The following DPP10 variants were observed in gnomAD, a reference collection of about 807,000 sequenced individuals.
The protein encoded by DPP10 is dipeptidyl peptidase like 10, also known as inactive dipeptidyl peptidase 10.
DPP10 carries 33 observed loss-of-function variants against 120.9 expected under a neutral mutation model. The observed-to-expected ratio is 0.27, with a 90% CI of 0.21 to 0.37. The LOEUF (loss-of-function observed/expected upper bound fraction) is 0.37. Ranked by LOEUF, DPP10 falls within the 10% of genes least tolerant of loss-of-function variation. The pLI is 1.00. For synonymous variants in DPP10, 337 were observed against 326.1 expected (o/e 1.03, Z -0.36); for missense variants, 816 against 942.8 (o/e 0.87, Z 1.76).
At chr2:114,924,352 C>A (rs952184851) in intron 1 of DPP10, among the ~76,000 whole-genome samples, 2 of 152,014 alleles carry the variant, frequency 1.3e-5, no homozygotes, top group Non-Finnish European at 2.9e-5. Flanking sequence ...CATGGCGAAA[C>A]CCCATCTCTC....
At chr2:114,502,293 TGAGA>T (rs1203487968) in intron 1 of DPP10, among the ~76,000 whole-genome samples, 1 of 151,122 alleles carries the variant, frequency 6.6e-6, no homozygotes. Flanking sequence ...TAAATCCACG[TGAGA>T]GAGAAAGTTT....
intron 1 of DPP10, among the ~76,000 whole-genome samples, chr2:114,533,275 C>A (rs761284183): frequency 6.6e-6 from 1 of 152,178 alleles, no homozygotes; most frequent in Non-Finnish European, 1.5e-5. Flanking sequence ...TAGATTCTCA[C>A]ATCCTTTCTC....
intron 1 of DPP10, among the ~76,000 whole-genome samples, chr2:114,801,446 A>T (rs1684242914): frequency 6.6e-6 from 1 of 151,996 alleles, no homozygotes; most frequent in African/African-American, 2.4e-5. Context: ...GGGAAAACAG[A>T]CTTGGGAATT....
intron 1 of DPP10, among the ~76,000 whole-genome samples, chr2:114,575,651 G>A (rs1689993056): frequency 6.6e-6 from 1 of 152,108 alleles, no homozygotes; most frequent in Non-Finnish European, 1.5e-5. Flanking sequence ...TTCAGTTTAA[G>A]GGGCTAAAAT....
intron 1 of DPP10, among the ~76,000 whole-genome samples, chr2:114,980,681 A>G (rs1700027272): frequency 6.6e-6 from 1 of 151,852 alleles, no homozygotes; most frequent in Admixed American, 6.6e-5. Context: ...TGAACTAGAA[A>G]TCCAAATGGC....
rs181291230 is a variant in DPP10, at chr2:115,555,161, A to G, written c.441+29189A>G. On this transcript the variant is annotated intron_variant, in intron 5 of 25. Coordinates refer to ENST00000410059, the MANE Select transcript of DPP10 (RefSeq NM_020868.6). ...GATGGGGAAATTTATTTCCAATTTA[A>G]GAATCAAGAGCAAAAATTCATCTTC... Among the ~76,000 whole-genome samples, 19 of 152,252 alleles carry G rather than the reference A, an allele frequency of 1.2e-4. No individual in the cohort carries two copies. In the East Asian group the frequency reaches 3.7e-3, roughly 29 times the overall value.
chr2:115,737,155 G>A lies in DPP10; in HGVS notation c.698-2584G>A, dbSNP rs561191893. 4.3e-4 allele frequency among the ~76,000 whole-genome samples: 65 copies of A among 152,256 alleles called. 1 individual carries two copies. In the South Asian group the frequency reaches 0.01, roughly 24 times the overall value. On this transcript the variant is annotated intron_variant, in intron 8 of 25. Coordinates refer to ENST00000410059, the MANE Select transcript of DPP10 (RefSeq NM_020868.6). The stretch of plus-strand genomic sequence containing the variant: ...CAGACCTGCCATAAACCAGGCCCGC[G>A]TTTATTTCTCCCTTGCCAACTTGTG...
intron 1 of DPP10, among the ~76,000 whole-genome samples, chr2:115,102,931 G>T (rs986892363): frequency 6.6e-5 from 10 of 152,084 alleles, no homozygotes; most frequent in Admixed American, 1.3e-4. Context: ...TGAAAACTGT[G>T]GAAAGATGAT....
chr2:115,686,276 A>T (rs1048386735), intron 5 of DPP10, among the ~76,000 whole-genome samples: 4 of 152,066 alleles, frequency 2.6e-5, no homozygotes, highest in African/African-American at 9.7e-5. Context: ...GATGTGCCTT[A>T]TGGAGCAAAC....
chr2:115,545,579 C>T (rs2079449984), intron 5 of DPP10, among the ~76,000 whole-genome samples: 1 of 152,110 alleles, frequency 6.6e-6, no homozygotes, highest in Admixed American at 6.6e-5. Context: ...GTTTGCACAA[C>T]AGTGAGAGAC....
At chr2:114,784,148 T>C (rs550773726) in intron 1 of DPP10, among the ~76,000 whole-genome samples, 13 of 152,088 alleles carry the variant, frequency 8.5e-5, no homozygotes, top group Non-Finnish European at 1.2e-4. Flanking sequence ...AGAAGTCCCA[T>C]TGGGATCAAG....
At chr2:114,663,658 T>TAGAGAGAGAGAGAG (rs1385374204) in intron 1 of DPP10, among the ~76,000 whole-genome samples, 9 of 91,226 alleles carry the variant, frequency 9.9e-5, no homozygotes, top group African/African-American at 4.0e-4. Flanking sequence ...TATATATATA[T>TAGAGAGAGAGAGAG]ATATATATAT....
At chr2:114,606,404 G>A (rs1692808125) in intron 1 of DPP10, among the ~76,000 whole-genome samples, 1 of 152,014 alleles carries the variant, frequency 6.6e-6, no homozygotes, top group Non-Finnish European at 1.5e-5. Flanking sequence ...CTCTCATGCT[G>A]CTTGTATTTC....
intron 19 of DPP10, among the ~76,000 whole-genome samples, chr2:115,804,293 A>T (rs1685641826): frequency 6.6e-6 from 1 of 152,098 alleles, no homozygotes; most frequent in Admixed American, 6.6e-5. Context: ...AGGTCCTTTA[A>T]GGACTTCTCT....
chr2:114,992,478 G>T (rs777154275), intron 1 of DPP10, among the ~76,000 whole-genome samples: 1 of 152,116 alleles, frequency 6.6e-6, no homozygotes, highest in Non-Finnish European at 1.5e-5. Flanking sequence ...ATGCCAGTCT[G>T]GTGTTTAACA....
chr2:115,807,261 A>C lies in DPP10; in HGVS notation c.1701-7532A>C, dbSNP rs547030334. ...GTACATTCCTTCTATTTTATTGAACAATTTCTGGCTAGGAGATGTCCCTGA... is the reference window on the plus strand; with the variant it reads ...GTACATTCCTTCTATTTTATTGAACCATTTCTGGCTAGGAGATGTCCCTGA... On this transcript the variant is annotated intron_variant, in intron 19 of 25. Coordinates refer to ENST00000410059, the MANE Select transcript of DPP10 (RefSeq NM_020868.6). Among the ~76,000 whole-genome samples the C allele has an allele frequency of 8.6e-4, 131 of 152,314 alleles. 2 individuals are homozygous for C. The South Asian group carries it at 0.027, about 31-fold the overall frequency.
chr2:115,384,383 G>A (rs2066690579), intron 3 of DPP10, among the ~76,000 whole-genome samples: 2 of 139,476 alleles, frequency 1.4e-5, no homozygotes, highest in South Asian at 4.6e-4. Flanking sequence ...CAGAAAAGCA[G>A]AAGCAGAAGC....
At chr2:115,800,447 A>C (rs200941415) in intron 19 of DPP10, among the ~76,000 whole-genome samples, 2,575 of 147,032 alleles carry the variant, frequency 0.018, 80 homozygotes, top group African/African-American at 0.059. Flanking sequence ...TAATTAGATC[A>C]CATTTGTCAA....
intron 1 of DPP10, among the ~76,000 whole-genome samples, chr2:114,815,935 C>A (rs1004907793): frequency 6.6e-6 from 1 of 150,788 alleles, no homozygotes; most frequent in African/African-American, 2.4e-5. Flanking sequence ...CATCTAGTTA[C>A]CTATCAGTTG....
Sources: gnomAD v4.1 joint callset for allele counts (sites outside exome capture counted in the v4.1 genomes callset) on GRCh38, gnomAD v4.1.1 for gene constraint, MANE v1.5 for transcripts, NCBI Gene and HGNC (gene_info 2026-07-23, HGNC 2026-07-21) for gene names.